Variants in GLRA1 observed in about 807,000 individuals in gnomAD.
GLRA1 encodes glycine receptor alpha 1, also known as glycine receptor subunit alpha-1.
GLRA1 carries 37 observed loss-of-function variants against 48.3 expected under a neutral mutation model. That is an observed-to-expected ratio of 0.77 (90% CI 0.59 to 1.01). The LOEUF (loss-of-function observed/expected upper bound fraction) is 1.01, where lower values mean the gene tolerates loss of function less well. Ranked by LOEUF, GLRA1 falls within the 50% of genes least tolerant of loss-of-function variation. The pLI is 0.00. For missense variants in GLRA1, 427 were observed against 571.0 expected (o/e 0.75, Z 2.57); for synonymous variants, 196 against 210.7 (o/e 0.93, Z 0.60).
At chr5:151,907,516 T>C (rs1412824626) in intron 1 of GLRA1, among the ~76,000 whole-genome samples, 1 of 152,174 alleles carries the variant, frequency 6.6e-6, no homozygotes, top group East Asian at 1.9e-4. Context: ...AGCAATAGAA[T>C]AGACATTATT....
chr5:151,909,898 T>G (rs1315518226), intron 1 of GLRA1, among the ~76,000 whole-genome samples: 1 of 146,428 alleles, frequency 6.8e-6, no homozygotes, highest in Non-Finnish European at 1.5e-5. Flanking sequence ...ATCTCTAACT[T>G]TTTTTTTTTG....
chr5:151,871,373 T>C (rs1753479815), intron 3 of GLRA1, among the ~76,000 whole-genome samples: 1 of 149,018 alleles, frequency 6.7e-6, no homozygotes. Flanking sequence ...ACAAAATATC[T>C]GTGAATAAAC....
intron 7 of GLRA1, among the ~76,000 whole-genome samples, chr5:151,836,976 AAAC>A (rs549781077): frequency 6.6e-6 from 1 of 152,082 alleles, no homozygotes; most frequent in Non-Finnish European, 1.5e-5. Flanking sequence ...TCTGCACAGC[AAAC>A]AACAACAACA....
intron 3 of GLRA1, among the ~76,000 whole-genome samples, chr5:151,861,076 A>G (rs1037242800): frequency 3.4e-4 from 52 of 152,330 alleles, no homozygotes; most frequent in Non-Finnish European, 6.5e-4. Context: ...TTATGGCTGC[A>G]TAGTATTCCA....
At chr5:151,827,594 A>G (rs1223317008) in intron 8 of GLRA1, among the ~76,000 whole-genome samples, 1 of 152,220 alleles carries the variant, frequency 6.6e-6, no homozygotes, top group Non-Finnish European at 1.5e-5. Flanking sequence ...AAAGTCTCAT[A>G]CTAAAGAAAA....
chr5:151,918,295 C>G (rs1754787309), intron 1 of GLRA1, among the ~76,000 whole-genome samples: 2 of 152,158 alleles, frequency 1.3e-5, no homozygotes, highest in South Asian at 2.1e-4. Flanking sequence ...TTAGGCTTTA[C>G]AGGGAGTTGG....
intron 3 of GLRA1, among the ~76,000 whole-genome samples, chr5:151,867,126 A>C (rs2113372133): frequency 6.6e-6 from 1 of 151,876 alleles, no homozygotes; most frequent in South Asian, 2.1e-4. Context: ...TAAATACATA[A>C]ATAAATATAA....
rs77681949 is a variant in GLRA1, at chr5:151,922,946, A to G, written c.56+1548T>C. ...AAATGTTACAAAGTACCCAACCTCC[A>G]TACATTTGTAGTTCTATTAAATATG... On this transcript the variant is annotated intron_variant, in intron 1 of 8. Coordinates refer to ENST00000274576, the MANE Select transcript of GLRA1 (RefSeq NM_000171.4). Among the ~76,000 whole-genome samples the G allele has an allele frequency of 8.3e-3, 1,267 of 152,362 alleles. 31 individuals carry two copies. The highest frequency in any genetic ancestry group is 0.028 in the African/African-American group (1,162 of 41,586).
chr5:151,888,996 T>A (rs1351725309), intron 2 of GLRA1, among the ~76,000 whole-genome samples: 1 of 152,194 alleles, frequency 6.6e-6, no homozygotes, highest in Non-Finnish European at 1.5e-5. Flanking sequence ...GTTTTTTTTG[T>A]TGTTGCCTCA....
chr5:151,848,890 C>T (rs538381770), intron 7 of GLRA1: 50 of 651,316 alleles, frequency 7.7e-5, no homozygotes, highest in African/African-American at 5.6e-4. Flanking sequence ...CCACCATGAC[C>T]GCCTCAGCAC....
At chr5:151,839,520 AG>A (rs1236066272) in intron 7 of GLRA1, among the ~76,000 whole-genome samples, 6 of 152,182 alleles carry the variant, frequency 3.9e-5, no homozygotes, top group African/African-American at 1.4e-4. Flanking sequence ...ATAGGAGCAA[AG>A]TTTTTTGCGT....
intron 1 of GLRA1, among the ~76,000 whole-genome samples, chr5:151,910,545 C>T (rs1754583638): frequency 6.6e-6 from 1 of 152,198 alleles, no homozygotes; most frequent in African/African-American, 2.4e-5. Context: ...TCTCTCTCCA[C>T]TCCTCGTAAT....
At chr5:151,899,424 G>A (rs1754310573) in intron 1 of GLRA1, among the ~76,000 whole-genome samples, 1 of 152,172 alleles carries the variant, frequency 6.6e-6, no homozygotes, top group African/African-American at 2.4e-5. Flanking sequence ...CCCATTGCCT[G>A]TGGGCTGGTC....
intron 3 of GLRA1, among the ~76,000 whole-genome samples, chr5:151,872,922 T>C (rs568911327): frequency 2.0e-5 from 3 of 149,606 alleles, no homozygotes; most frequent in South Asian, 2.1e-4. Context: ...TAAAGACATG[T>C]ATATGTACCT....
At chr5:151,833,246 G>A (rs1348660785) in intron 7 of GLRA1, among the ~76,000 whole-genome samples, 1 of 152,016 alleles carries the variant, frequency 6.6e-6, no homozygotes. Context: ...ATCAACTAAT[G>A]GGCAAAATAA....
intron 3 of GLRA1, among the ~76,000 whole-genome samples, chr5:151,878,374 A>AAAAATTTGG (rs1381246034): frequency 1.3e-5 from 2 of 152,238 alleles, no homozygotes; most frequent in Non-Finnish European, 2.9e-5. Context: ...AGCAGAGCAT[A>AAAAATTTGG]AAAATTTGGA....
chr5:151,924,727 C>A lies in GLRA1; in HGVS notation c.-178G>T, dbSNP rs1274212068. 6 of 670,638 alleles carry A rather than the reference C, an allele frequency of 8.9e-6. No homozygotes were observed. Among genetic ancestry groups the A allele is most frequent in the East Asian group, 8.1e-5 (3 of 36,874 alleles). 41.5% of individuals were successfully genotyped at this position (670,638 alleles called of 1,614,324 possible). ...AATTGGAGCGAGGGGGTCGTAGATA[C>A]CACGGACAGCGGCGGCTGCGAGGCG... is the stretch of plus-strand genomic sequence containing the variant. On this transcript the variant is annotated 5_prime_UTR_variant, in exon 1 of 9. Coordinates refer to ENST00000274576, the MANE Select transcript of GLRA1 (RefSeq NM_000171.4).
At chr5:151,825,583 G>C (rs1448354271) in intron 8 of GLRA1, among the ~76,000 whole-genome samples, 2 of 152,206 alleles carry the variant, frequency 1.3e-5, no homozygotes, top group African/African-American at 2.4e-5. Context: ...ACTGCATCTG[G>C]AGCTGCTTAG....
At chr5:151,893,583 C>A (rs1424556707) in intron 1 of GLRA1, among the ~76,000 whole-genome samples, 1 of 152,056 alleles carries the variant, frequency 6.6e-6, no homozygotes, top group Non-Finnish European at 1.5e-5. Context: ...TTGTTCAACT[C>A]CCACTTATGA....
Sources: gnomAD v4.1 joint callset for allele counts (sites outside exome capture counted in the v4.1 genomes callset) on GRCh38, gnomAD v4.1.1 for gene constraint, MANE v1.5 for transcripts, NCBI Gene and HGNC (gene_info 2026-07-23, HGNC 2026-07-21) for gene names.